Variants in ACTR10 observed in about 807,000 individuals in gnomAD.
ACTR10 encodes actin-related protein 10.
In ACTR10, 43 loss-of-function variants were observed where a neutral mutation model predicts 56.2. The observed-to-expected ratio is 0.77, with a 90% CI of 0.60 to 0.99. ACTR10 has a LOEUF of 0.99. Ranked by LOEUF, ACTR10 falls within the 50% of genes least tolerant of loss-of-function variation. The probability of loss-of-function intolerance (pLI) is 0.00; values close to 1 mark genes in which losing one functional copy is unlikely to be tolerated. For missense variants in ACTR10, 466 were observed against 507.8 expected (o/e 0.92, Z 0.79); for synonymous variants, 170 against 176.3 (o/e 0.96, Z 0.28).
chr14:58,222,994 C>A (rs1017709368), intron 8 of ACTR10, among the ~76,000 whole-genome samples: 2 of 151,844 alleles, frequency 1.3e-5, no homozygotes, highest in African/African-American at 4.8e-5. Flanking sequence ...TTATTGTGGT[C>A]CTCCTTATAC....
At chr14:58,204,834 A>G (rs1279466563) in intron 2 of ACTR10, among the ~76,000 whole-genome samples, 1 of 152,236 alleles carries the variant, frequency 6.6e-6, no homozygotes, top group Non-Finnish European at 1.5e-5. Flanking sequence ...TTCCATTATA[A>G]TTATAGCTTG....
In ACTR10 at chr14:58,223,651, C is replaced by T. The variant is rs1051629296; in HGVS notation, c.664C>T (p.Arg222Ter). The change falls in exon 9 of 13, where the codon CGA becomes TGA. Residue 222 changes from arginine to a stop codon, truncating the protein, a stop_gained. Coordinates refer to ENST00000254286, the MANE Select transcript of ACTR10 (RefSeq NM_018477.3). LOFTEE classifies it high-confidence loss of function. ...ARTCFVSDLK[R>*]GLKIQAAKFN... ...TACTTGCTTTGTAAGTGATCTGAAG[C>T]GAGGACTAAAAATCCAAGCAGCAAA... is the stretch of plus-strand genomic sequence containing the variant. 11 of 1,611,872 alleles carry T rather than the reference C, an allele frequency of 6.8e-6. No homozygotes were observed. The highest frequency in any genetic ancestry group is 2.7e-5 in the African/African-American group (2 of 74,344).
In ACTR10 at chr14:58,206,553, ATCT is replaced by A. The variant is rs534112961; in HGVS notation, c.151-1378_151-1376del. Among the ~76,000 whole-genome samples, 40 of 152,340 alleles carry A rather than the reference ATCT, an allele frequency of 2.6e-4. No homozygotes were observed. The South Asian group carries it at 4.3e-3, about 17-fold the overall frequency. ...TATATTTGATTATATATGGTTTGGA[ATCT>A]TCTTTAAGCCACATAAAATCAAGAA... On this transcript the variant is annotated intron_variant, in intron 2 of 12. Coordinates refer to ENST00000254286, the MANE Select transcript of ACTR10 (RefSeq NM_018477.3).
chr14:58,228,085 G>A (rs1889441776), intron 10 of ACTR10, among the ~76,000 whole-genome samples: 1 of 152,142 alleles, frequency 6.6e-6, no homozygotes, highest in Non-Finnish European at 1.5e-5. Flanking sequence ...TTGGGCAACA[G>A]GGCAAGACCC....
At chr14:58,212,550 C>T (rs1889030164) in intron 5 of ACTR10, among the ~76,000 whole-genome samples, 2 of 152,092 alleles carry the variant, frequency 1.3e-5, no homozygotes, top group Non-Finnish European at 2.9e-5. Flanking sequence ...TTTAATCAAG[C>T]AGTAGTGTTT....
chr14:58,208,815 G>T (rs1594804917), intron 3 of ACTR10, among the ~76,000 whole-genome samples, 184 bp from the exon 4 acceptor site: 1 of 152,076 alleles, frequency 6.6e-6, no homozygotes, highest in East Asian at 1.9e-4. Flanking sequence ...GAATTTCCTA[G>T]CACACTGCAC....
chr14:58,227,387 T>C (rs948282800), intron 10 of ACTR10, among the ~76,000 whole-genome samples: 3 of 152,164 alleles, frequency 2.0e-5, no homozygotes, highest in African/African-American at 7.2e-5. Flanking sequence ...ACAGAATCCA[T>C]CTAGTTATTT....
At chr14:58,200,719 T>C (rs141978931) in intron 1 of ACTR10, among the ~76,000 whole-genome samples, 3 of 152,272 alleles carry the variant, frequency 2.0e-5, no homozygotes, top group Non-Finnish European at 4.4e-5. Context: ...GTGCTGAAAA[T>C]GGAAAGATGT....
At position 58,209,113 on chromosome 14, in the gene ACTR10, T is replaced by C; in HGVS notation, c.342+6T>C. 6.7e-7 allele frequency: 1 copy of C among 1,488,950 alleles called. No homozygotes were observed. The highest frequency in any genetic ancestry group is 2.3e-5 in the East Asian group (1 of 42,788). The allele number at this position is 1,488,950 out of a possible 1,614,324, so 92.2% of individuals were successfully genotyped here. A position where few individuals can be genotyped will look rare whatever the true frequency, so the allele number is the denominator to read the frequency against. On this transcript the variant is annotated splice_donor_region_variant and intron_variant, in intron 4 of 12. Coordinates refer to ENST00000254286, the MANE Select transcript of ACTR10 (RefSeq NM_018477.3). ...TTCTTTTCAAATATTTTGAGGTACC[T>C]GTCTTTATATCAAATAAGTAAATTG...
intron 2 of ACTR10, among the ~76,000 whole-genome samples, chr14:58,207,696 C>T (rs1594804371): frequency 6.6e-6 from 1 of 152,150 alleles, no homozygotes; most frequent in African/African-American, 2.4e-5. Context: ...GAGCCATGCT[C>T]TTTACTTCCT....
intron 10 of ACTR10, among the ~76,000 whole-genome samples, chr14:58,226,562 T>G (rs1889405699): frequency 1.3e-5 from 2 of 151,908 alleles, no homozygotes; most frequent in Admixed American, 1.3e-4. Context: ...TTTACTAACA[T>G]GTTTTTTGTG....
chr14:58,201,343 T>C (rs1021616949), intron 1 of ACTR10, among the ~76,000 whole-genome samples: 1 of 152,190 alleles, frequency 6.6e-6, no homozygotes, highest in African/African-American at 2.4e-5. Flanking sequence ...AGGCTTCTAG[T>C]CAAAGATAAT....
At chr14:58,221,109 C>A (rs1889254412) in intron 8 of ACTR10, among the ~76,000 whole-genome samples, 1 of 151,432 alleles carries the variant, frequency 6.6e-6, no homozygotes, top group Non-Finnish European at 1.5e-5. Context: ...TGGTGAAACC[C>A]CGTCTCTACT....
At position 58,234,457 on chromosome 14, in the gene ACTR10, GGT is replaced by G; in HGVS notation, c.1163_1164del (p.Cys388PhefsTer4). ...AATCAGACGGGCCGTATACCTGATT[GGT>G]GTTCTCTCAATAACCCACCTTTGGA... On this transcript the variant is annotated frameshift_variant, in exon 13 of 13. Transcript: ENST00000254286. LOFTEE classifies it high-confidence loss of function. The G allele has an allele frequency of 6.2e-7, 1 of 1,613,488 alleles. No individual in the cohort carries two copies. The highest frequency in any genetic ancestry group is 1.1e-5 in the South Asian group (1 of 91,010).
chr14:58,215,017 A>G (rs1594807910), intron 6 of ACTR10, among the ~76,000 whole-genome samples, 188 bp from the exon 7 acceptor site: 1 of 151,932 alleles, frequency 6.6e-6, no homozygotes, highest in East Asian at 2.0e-4. Flanking sequence ...GAGGCAGGAG[A>G]ATCACATGAA....
At chr14:58,222,269 T>C (rs960648495) in intron 8 of ACTR10, among the ~76,000 whole-genome samples, 1 of 152,192 alleles carries the variant, frequency 6.6e-6, no homozygotes, top group Non-Finnish European at 1.5e-5. Context: ...AAGGTATTCC[T>C]TAACTACCTT....
rs1888672987 is a variant in ACTR10, at chr14:58,200,265, C to T, written c.48C>T (p.Val16=). Reference sequence around the variant, plus strand: ...GGAGCGGCGGGGAGAAGACGGCGGTCGTGATCGACCTGGGAGAGGCCTTTA... The same window carrying T: ...GGAGCGGCGGGGAGAAGACGGCGGTTGTGATCGACCTGGGAGAGGCCTTTA... ...GLGSGGEKTA[V]VIDLGEAFTK... is the part of the protein sequence containing the mutation. Residue 16 remains valine (V), a synonymous_variant, in exon 1 of 13, where the codon GTC becomes GTT. Coordinates refer to ENST00000254286, the MANE Select transcript of ACTR10 (RefSeq NM_018477.3). The T allele has an allele frequency of 1.2e-5, 18 of 1,513,894 alleles. No homozygotes were observed. Among genetic ancestry groups the T allele is most frequent in the Non-Finnish European group, 1.5e-5 (17 of 1,135,170 alleles). The allele number at this position is 1,513,894 out of a possible 1,614,324, so 93.8% of individuals were successfully genotyped here. A position where few individuals can be genotyped will look rare whatever the true frequency, so the allele number is the denominator to read the frequency against.
At chr14:58,217,506 TA>T (rs1166626907) in intron 7 of ACTR10, among the ~76,000 whole-genome samples, 18 of 144,752 alleles carry the variant, frequency 1.2e-4, no homozygotes, top group Admixed American at 2.8e-4. Context: ...TGTTTCTACA[TA>T]AAAAAAAAAA....
chr14:58,207,718 C>T (rs113917477), intron 2 of ACTR10, among the ~76,000 whole-genome samples: 15 of 152,262 alleles, frequency 9.9e-5, no homozygotes, highest in Non-Finnish European at 1.9e-4. Flanking sequence ...TGAACACACA[C>T]TTCCATTACC....
Sources: gnomAD v4.1 joint callset for allele counts (sites outside exome capture counted in the v4.1 genomes callset) on GRCh38, gnomAD v4.1.1 for gene constraint, MANE v1.5 for transcripts, NCBI Gene and HGNC (gene_info 2026-07-23, HGNC 2026-07-21) for gene names.